ATF6: variants seen among roughly 807,000 people sequenced by gnomAD.
ATF6 encodes the protein activating transcription factor 6, also known as cyclic AMP-dependent transcription factor ATF-6 alpha.
A neutral mutation model predicts 83.6 loss-of-function variants in ATF6; 53 were observed. The ratio of observed to expected loss-of-function variants is 0.63; its 90% CI spans 0.51 to 0.80. ATF6 has a LOEUF of 0.80. Among genes scored for constraint, ATF6 ranks in the 30% least tolerant of loss-of-function variants. The pLI is 0.00. For synonymous variants in ATF6, 288 were observed against 285.8 expected (o/e 1.01, Z -0.08); for missense variants, 744 against 797.9 (o/e 0.93, Z 0.81).
rs117318927 is a variant in ATF6 at position 161,873,425 on chromosome 1, T to C, written c.1719+10113T>C. On this transcript the variant is annotated intron_variant, in intron 14 of 15. Coordinates refer to ENST00000367942, the MANE Select transcript of ATF6 (RefSeq NM_007348.4). Reference sequence around the variant, plus strand: ...AAGCAATTATTATAATTAGGAAAAATTGATGACTTATGATCTGACTCAGGA... The same window carrying C: ...AAGCAATTATTATAATTAGGAAAAACTGATGACTTATGATCTGACTCAGGA... 4.0e-3 allele frequency among the ~76,000 whole-genome samples: 607 copies of C among 151,624 alleles called. 6 individuals carry two copies. The highest frequency in any genetic ancestry group is 0.03 in the East Asian group (156 of 5,184).
At chr1:161,883,023 T>A (rs1402134296) in intron 14 of ATF6, among the ~76,000 whole-genome samples, 1 of 151,912 alleles carries the variant, frequency 6.6e-6, no homozygotes, top group Non-Finnish European at 1.5e-5. Flanking sequence ...AATTCATTCT[T>A]TCCCCCAACT....
chr1:161,867,952 C>T (rs1383290983), intron 14 of ATF6, among the ~76,000 whole-genome samples: 2 of 152,128 alleles, frequency 1.3e-5, no homozygotes, highest in South Asian at 2.1e-4. Context: ...GTCATATATA[C>T]GGCATGGATT....
At chr1:161,840,893 G>T (rs1172618133) in intron 9 of ATF6, among the ~76,000 whole-genome samples, 2 of 152,044 alleles carry the variant, frequency 1.3e-5, no homozygotes, top group Non-Finnish European at 2.9e-5. Context: ...CTTAATATTT[G>T]TAGCTTGTTT....
At chr1:161,820,975 A>T in intron 8 of ATF6, 95 bp from the exon 9 acceptor site, 2 of 702,010 alleles carry the variant, frequency 2.8e-6, no homozygotes, top group Non-Finnish European at 4.5e-6. Flanking sequence ...CAAGAGATTT[A>T]CGTAACCGGT....
rs761462420 is a variant in ATF6 at position 161,807,865 on chromosome 1, C to CTTTTTTTTTTTTTTTTTTTTT, written c.909+5605_909+5625dup. On this transcript the variant is annotated intron_variant, in intron 7 of 15. Transcript: ENST00000367942. The stretch of plus-strand genomic sequence containing the variant: ...CTTTTTGTACTTTTTAGTTTGTCAT[C>CTTTTTTTTTTTTTTTTTTTTT]TTTTTTTTTTTTTTTTTTTTTTTTT... Among the ~76,000 whole-genome samples the CTTTTTTTTTTTTTTTTTTTTT allele has an allele frequency of 4.6e-4, 15 of 32,304 alleles. 5 individuals carry two copies. Among genetic ancestry groups the CTTTTTTTTTTTTTTTTTTTTT allele is most frequent in the African/African-American group, 1.4e-3 (12 of 8,748 alleles). The allele number at this position is 32,304 out of a possible 152,430, so 21.2% of individuals were successfully genotyped here.
At chr1:161,865,570 G>T (rs181738170) in intron 14 of ATF6, among the ~76,000 whole-genome samples, 34 of 152,292 alleles carry the variant, frequency 2.2e-4, no homozygotes, top group Non-Finnish European at 3.8e-4. Flanking sequence ...TCATTAGTTT[G>T]CTATAAAAGT....
intron 14 of ATF6, among the ~76,000 whole-genome samples, chr1:161,895,050 A>G (rs1274159669): frequency 2.0e-5 from 3 of 152,076 alleles, no homozygotes; most frequent in Non-Finnish European, 4.4e-5. Context: ...AGCCTGGCCA[A>G]CATAGTGAAA....
At chr1:161,891,122 C>T (rs1284813033) in intron 14 of ATF6, 2 of 152,626 alleles carry the variant, frequency 1.3e-5, no homozygotes, top group Admixed American at 6.5e-5. Flanking sequence ...CGGTGCCAAC[C>T]TCGGAGCCCC....
intron 15 of ATF6, among the ~76,000 whole-genome samples, chr1:161,941,961 T>C (rs1157745538): frequency 5.3e-5 from 8 of 151,004 alleles, no homozygotes; most frequent in Non-Finnish European, 8.9e-5. Context: ...CTTCCTCTTA[T>C]CTTCTTTTTT....
chr1:161,949,039 T>C (rs775577831), intron 15 of ATF6, among the ~76,000 whole-genome samples: 1 of 152,210 alleles, frequency 6.6e-6, no homozygotes, highest in Non-Finnish European at 1.5e-5. Context: ...CACCCTTTTT[T>C]GGAGGGGAAA....
chr1:161,944,586 C>A (rs1404936745), intron 15 of ATF6, among the ~76,000 whole-genome samples: 1 of 152,216 alleles, frequency 6.6e-6, no homozygotes, highest in Non-Finnish European at 1.5e-5. Context: ...CTTTCCCCTA[C>A]ATTTGTGCAA....
intron 15 of ATF6, among the ~76,000 whole-genome samples, chr1:161,916,081 A>G (rs1452880530): frequency 1.3e-5 from 2 of 152,044 alleles, no homozygotes; most frequent in South Asian, 2.1e-4. Context: ...ACCCTTACCA[A>G]GCTTTTGCCA....
At chr1:161,861,889 T>C (rs1288330565) in intron 13 of ATF6, among the ~76,000 whole-genome samples, 1 of 152,212 alleles carries the variant, frequency 6.6e-6, no homozygotes, top group Non-Finnish European at 1.5e-5. Flanking sequence ...CTAGTGTTGC[T>C]AAGCCGAAGC....
chr1:161,887,225 C>T (rs1044669014), intron 14 of ATF6, among the ~76,000 whole-genome samples: 1 of 151,452 alleles, frequency 6.6e-6, no homozygotes, highest in Non-Finnish European at 1.5e-5. Flanking sequence ...GCATATGCCA[C>T]CACACCTGGC....
chr1:161,863,363 C>T (rs1686926509), intron 14 of ATF6, 51 bp downstream of exon 14: 1 of 1,180,966 alleles, frequency 8.5e-7, no homozygotes, highest in Admixed American at 1.7e-5. Context: ...GCTTGCCGTA[C>T]ACAAGACATT....
At chr1:161,775,567 G>A (rs1227072496) in intron 1 of ATF6, among the ~76,000 whole-genome samples, 1 of 151,802 alleles carries the variant, frequency 6.6e-6, no homozygotes, top group Non-Finnish European at 1.5e-5. Flanking sequence ...TTGGTAAACC[G>A]CTACTCTCAT....
intron 1 of ATF6, among the ~76,000 whole-genome samples, chr1:161,772,777 C>T (rs915355642): frequency 1.4e-5 from 2 of 147,208 alleles, no homozygotes; most frequent in East Asian, 3.9e-4. Flanking sequence ...AAAAAAAAAA[C>T]AAAACCAACA....
chr1:161,874,917 C>A (rs1014106261), intron 14 of ATF6, among the ~76,000 whole-genome samples: 7 of 151,470 alleles, frequency 4.6e-5, no homozygotes, highest in African/African-American at 1.7e-4. Context: ...TATATTTGAC[C>A]CTAACCTTTC....
At chr1:161,905,782 T>G (rs955406018) in intron 14 of ATF6, among the ~76,000 whole-genome samples, 3 of 152,154 alleles carry the variant, frequency 2.0e-5, no homozygotes, top group African/African-American at 7.2e-5. Context: ...GCTAACAAAG[T>G]TTTGAACTTT....
Sources: allele counts gnomAD v4.1 joint callset (sites outside exome capture counted in the v4.1 genomes callset), GRCh38; gene constraint gnomAD v4.1.1; transcripts MANE v1.5; gene names NCBI Gene and HGNC (gene_info 2026-07-23, HGNC 2026-07-21).